PPP1R12B: variants seen among roughly 807,000 people sequenced by gnomAD.
The protein encoded by PPP1R12B is myosin phosphatase target subunit 2.
In PPP1R12B, 76 loss-of-function variants were observed where a neutral mutation model predicts 126.1. The observed-to-expected ratio is 0.60, with a 90% CI of 0.50 to 0.73. The LOEUF is 0.73. Ranked by LOEUF, PPP1R12B falls within the 30% of genes least tolerant of loss-of-function variation. The pLI is 0.00. For synonymous variants in PPP1R12B, 356 were observed against 434.7 expected, an observed-to-expected ratio of 0.82 and a Z score of 2.25; for missense variants, 1,052 against 1,205.1, an observed-to-expected ratio of 0.87 and a Z score of 1.88.
chr1:202,591,479 T>G lies in PPP1R12B; in HGVS notation c.*10919T>G, dbSNP rs1690115209. On this transcript the variant is annotated 3_prime_UTR_variant, in exon 24 of 24. Transcript: ENST00000608999. Reference sequence around the variant, plus strand: ...AGGCCCCTCTACTCACCTCTGCTACTTGGTGCAACTGGCTGGGGCTTCTCT... The same window carrying G: ...AGGCCCCTCTACTCACCTCTGCTACGTGGTGCAACTGGCTGGGGCTTCTCT... 1 of 152,536 alleles carries G rather than the reference T, an allele frequency of 6.6e-6. No individual in the cohort carries two copies. The highest frequency in any genetic ancestry group is 2.4e-5 in the African/African-American group (1 of 41,450). 9.4% of individuals were successfully genotyped at this position (152,536 alleles called of 1,614,324 possible).
chr1:202,378,637 G>A (rs1382815539), intron 1 of PPP1R12B, among the ~76,000 whole-genome samples: 1 of 151,900 alleles, frequency 6.6e-6, no homozygotes, highest in Admixed American at 6.6e-5. Flanking sequence ...GTGCCACCAC[G>A]CCCGGCTAAT....
chr1:202,533,368 G>C (rs1484686010), intron 18 of PPP1R12B, among the ~76,000 whole-genome samples: 2 of 152,078 alleles, frequency 1.3e-5, no homozygotes, highest in African/African-American at 4.8e-5. Flanking sequence ...TTAGCTCACT[G>C]TATCCTCTGC....
intron 18 of PPP1R12B, among the ~76,000 whole-genome samples, chr1:202,533,287 GTATTTTGTTT>G (rs902610896): frequency 7.6e-6 from 1 of 131,490 alleles, no homozygotes; most frequent in Non-Finnish European, 1.6e-5. Context: ...TTTTTTGGGG[GTATTTTGTTT>G]TGTTTTGTTT....
chr1:202,563,196 C>G (rs1485258789), intron 20 of PPP1R12B, among the ~76,000 whole-genome samples: 3 of 152,136 alleles, frequency 2.0e-5, no homozygotes, highest in African/African-American at 7.2e-5. Flanking sequence ...AGGTAACTTC[C>G]CTCTCAAACT....
At chr1:202,547,569 T>G (rs2148976191) in intron 18 of PPP1R12B, among the ~76,000 whole-genome samples, 1 of 152,334 alleles carries the variant, frequency 6.6e-6, no homozygotes, top group East Asian at 1.9e-4. Flanking sequence ...CAAGTGGCTA[T>G]TTTAAAAGTT....
chr1:202,456,104 A>T (rs1354124273), intron 13 of PPP1R12B, among the ~76,000 whole-genome samples: 1 of 151,948 alleles, frequency 6.6e-6, no homozygotes, highest in Non-Finnish European at 1.5e-5. Context: ...TCCCGTCTCT[A>T]ATAAAAATAC....
At chr1:202,511,976 T>A (rs1681576122) in intron 18 of PPP1R12B, among the ~76,000 whole-genome samples, 2 of 152,094 alleles carry the variant, frequency 1.3e-5, no homozygotes, top group African/African-American at 4.8e-5. Context: ...TAGACAGTTG[T>A]CAACTAGGAA....
At chr1:202,406,941 G>A (rs967026952) in intron 1 of PPP1R12B, among the ~76,000 whole-genome samples, 1 of 152,132 alleles carries the variant, frequency 6.6e-6, no homozygotes, top group Non-Finnish European at 1.5e-5. Context: ...CACATTTATT[G>A]TTCCTCAAAA....
intron 13 of PPP1R12B, among the ~76,000 whole-genome samples, chr1:202,477,576 C>CTT (rs1378489801): frequency 2.0e-5 from 3 of 151,630 alleles, no homozygotes; most frequent in African/African-American, 4.8e-5. Context: ...CTTTTCTTTT[C>CTT]TTTTTTATTT....
chr1:202,390,222 A>G (rs1195598385), intron 1 of PPP1R12B, among the ~76,000 whole-genome samples: 2 of 152,226 alleles, frequency 1.3e-5, no homozygotes, highest in African/African-American at 4.8e-5. Flanking sequence ...GGGCAGCTGG[A>G]TAACATGCAA....
chr1:202,572,403 C>G (rs1293153397), intron 23 of PPP1R12B, among the ~76,000 whole-genome samples: 1 of 152,182 alleles, frequency 6.6e-6, no homozygotes, highest in African/African-American at 2.4e-5. Context: ...AAATAAAGTA[C>G]AAAGGCCAGG....
intron 1 of PPP1R12B, among the ~76,000 whole-genome samples, chr1:202,400,310 A>G (rs1310302209): frequency 6.6e-6 from 1 of 152,104 alleles, no homozygotes; most frequent in Non-Finnish European, 1.5e-5. Flanking sequence ...GTAGAGCACT[A>G]TTCTGGGCCC....
chr1:202,478,639 T>G lies in PPP1R12B; in HGVS notation c.1851-9894T>G, dbSNP rs1305771571. On this transcript the variant is annotated intron_variant, in intron 13 of 23. Coordinates refer to ENST00000608999, the MANE Select transcript of PPP1R12B (RefSeq NM_002481.4). ...TATAAAAAACTATATATAGTTTGTA[T>G]AGTATATATTTACATACAATCTGGA... Among the ~76,000 whole-genome samples the G allele has an allele frequency of 2.6e-5, 4 of 152,132 alleles. No individual in the cohort carries two copies. The East Asian group carries it at 7.7e-4, about 29-fold the overall frequency.
chr1:202,428,636 C>T (rs771734444), intron 5 of PPP1R12B: 4 of 499,726 alleles, frequency 8.0e-6, no homozygotes, highest in Admixed American at 4.3e-5. Flanking sequence ...TTCTGCAGTA[C>T]TGTTGTACAA....
intron 1 of PPP1R12B, among the ~76,000 whole-genome samples, chr1:202,358,272 T>A (rs1027094638): frequency 6.6e-6 from 1 of 152,164 alleles, no homozygotes; most frequent in African/African-American, 2.4e-5. Flanking sequence ...AAGTGTCATT[T>A]AAAAAAATTG....
At chr1:202,492,549 T>G (rs938562893) in intron 14 of PPP1R12B, among the ~76,000 whole-genome samples, 3 of 152,156 alleles carry the variant, frequency 2.0e-5, no homozygotes, top group East Asian at 1.9e-4. Context: ...TGTGACACTG[T>G]GGGGGGAACA....
chr1:202,409,262 A>G (rs528765421), intron 1 of PPP1R12B, among the ~76,000 whole-genome samples: 91 of 152,216 alleles, frequency 6.0e-4, no homozygotes, highest in African/African-American at 2.0e-3. Context: ...ACTGTTTTCC[A>G]TAGAGGCTAT....
chr1:202,507,581 T>C (rs1385393297), intron 18 of PPP1R12B, among the ~76,000 whole-genome samples: 1 of 152,216 alleles, frequency 6.6e-6, no homozygotes, highest in African/African-American at 2.4e-5. Context: ...TTTTCCAAAG[T>C]TTTTCTTTTT....
chr1:202,524,517 C>G (rs705745), intron 18 of PPP1R12B, among the ~76,000 whole-genome samples: 4,665 of 152,168 alleles, frequency 0.031, 192 homozygotes, highest in African/African-American at 0.096. Flanking sequence ...TCCTTACCCC[C>G]CTCTCACGCT....
Sources: allele counts gnomAD v4.1 joint callset (sites outside exome capture counted in the v4.1 genomes callset), GRCh38; gene constraint gnomAD v4.1.1; transcripts MANE v1.5; gene names NCBI Gene and HGNC (gene_info 2026-07-23, HGNC 2026-07-21).